Variants in TBC1D5 observed in about 807,000 individuals in gnomAD.
TBC1D5 encodes TBC1 domain family member 5.
A neutral mutation model predicts 100.3 loss-of-function variants in TBC1D5; 75 were observed. That is an observed-to-expected ratio of 0.75 (90% confidence interval 0.62 to 0.91). The LOEUF (loss-of-function observed/expected upper bound fraction) is 0.91. Ranked by LOEUF, TBC1D5 falls within the 40% of genes least tolerant of loss-of-function variation. The probability of loss-of-function intolerance (pLI) is 0.00; values close to 1 mark genes in which losing one functional copy is unlikely to be tolerated. For missense variants in TBC1D5, 910 were observed against 942.4 expected, an observed-to-expected ratio of 0.97 and a Z score of 0.45; for synonymous variants, 323 against 325.6, an observed-to-expected ratio of 0.99 and a Z score of 0.09.
intron 1 of TBC1D5, among the ~76,000 whole-genome samples, chr3:17,668,492 A>T (rs1048118345): frequency 1.4e-4 from 21 of 152,106 alleles, no homozygotes; most frequent in Non-Finnish European, 2.9e-4. Context: ...AAAGTAATAA[A>T]CAATTATGTT....
chr3:17,477,943 T>C (rs2095457628), intron 3 of TBC1D5, among the ~76,000 whole-genome samples: 1 of 152,142 alleles, frequency 6.6e-6, no homozygotes. Context: ...ATTGTCTTTT[T>C]AACCAGTTCA....
At chr3:17,595,626 A>T (rs907776216) in intron 2 of TBC1D5, among the ~76,000 whole-genome samples, 7 of 152,338 alleles carry the variant, frequency 4.6e-5, no homozygotes, top group African/African-American at 1.7e-4. Context: ...CTTAAAATGT[A>T]AGAATTATCA....
intron 3 of TBC1D5, among the ~76,000 whole-genome samples, chr3:17,439,025 T>C (rs952921520): frequency 7.2e-5 from 11 of 152,118 alleles, no homozygotes; most frequent in African/African-American, 2.2e-4. Context: ...ATAATACCTA[T>C]AGAATATTTA....
intron 3 of TBC1D5, among the ~76,000 whole-genome samples, chr3:17,441,072 T>C (rs1446303): frequency 0.51 from 77,151 of 152,052 alleles, 21,522 homozygotes; most frequent in African/African-American, 0.72. Flanking sequence ...CAAAAATAAA[T>C]GATAGAATAG....
At chr3:17,716,363 T>C (rs572541864) in intron 1 of TBC1D5, among the ~76,000 whole-genome samples, 1 of 152,124 alleles carries the variant, frequency 6.6e-6, no homozygotes, top group Non-Finnish European at 1.5e-5. Flanking sequence ...CTGTCATTTT[T>C]TTTTTGAAAT....
At chr3:17,251,216 A>C (rs1056488081) in intron 16 of TBC1D5, among the ~76,000 whole-genome samples, 1 of 152,160 alleles carries the variant, frequency 6.6e-6, no homozygotes, top group Non-Finnish European at 1.5e-5. Flanking sequence ...GGTAAAAAAA[A>C]AACCACTGTA....
rs1178917300 is a variant in TBC1D5, at chr3:17,411,949, AATAAT to A, written c.168-5428_168-5424del. Among the ~76,000 whole-genome samples the A allele has an allele frequency of 2.0e-5, 3 of 152,204 alleles. No individual in the cohort carries two copies. In the East Asian group the frequency reaches 5.8e-4, roughly 29 times the overall value. On this transcript the variant is annotated intron_variant, in intron 4 of 21. Coordinates refer to ENST00000253692, the Ensembl canonical transcript of TBC1D5. ...CAACAGAGGAGCATAAAGGCCACAT[AATAAT>A]ATATTAATTGTCTTTCATTTCTATT...
chr3:17,219,494 T>A (rs540237525), intron 17 of TBC1D5, among the ~76,000 whole-genome samples: 5 of 151,318 alleles, frequency 3.3e-5, no homozygotes, highest in African/African-American at 1.2e-4. Flanking sequence ...TTTTTTTTCC[T>A]CATACCTTAT....
At chr3:17,664,928 C>T (rs1399341433) in intron 1 of TBC1D5, 2 of 150,334 alleles carry the variant, frequency 1.3e-5, no homozygotes, top group African/African-American at 4.9e-5. Context: ...GCCTCCACAG[C>T]CTTGAATGAA....
At chr3:17,483,424 T>A (rs573725615) in intron 3 of TBC1D5, among the ~76,000 whole-genome samples, 1 of 152,242 alleles carries the variant, frequency 6.6e-6, no homozygotes, top group South Asian at 2.1e-4. Flanking sequence ...CAATAGCAAA[T>A]GGCTCAAATC....
At chr3:17,714,276 G>A (rs2075033121) in intron 1 of TBC1D5, among the ~76,000 whole-genome samples, 3 of 152,198 alleles carry the variant, frequency 2.0e-5, no homozygotes, top group Non-Finnish European at 2.9e-5. Flanking sequence ...ATAGATGCCT[G>A]AGACAAAAGA....
intron 5 of TBC1D5, among the ~76,000 whole-genome samples, chr3:17,406,102 T>C (rs1321886823): frequency 1.3e-5 from 2 of 152,050 alleles, no homozygotes; most frequent in Non-Finnish European, 2.9e-5. Context: ...ACCACTGCCT[T>C]TTCTTGCAAA....
chr3:17,559,556 G>A (rs2096544044), intron 2 of TBC1D5, among the ~76,000 whole-genome samples: 2 of 151,908 alleles, frequency 1.3e-5, no homozygotes, highest in African/African-American at 4.8e-5. Flanking sequence ...TTGTGAGAAT[G>A]TGGAATTCAC....
chr3:17,252,774 C>T (rs914810928), intron 16 of TBC1D5, among the ~76,000 whole-genome samples: 1 of 152,198 alleles, frequency 6.6e-6, no homozygotes, highest in African/African-American at 2.4e-5. Flanking sequence ...TGACTATAAT[C>T]TTATACTAGA....
At chr3:17,160,353 T>C (rs1375085689) in exon 22 of TBC1D5, 1 of 152,436 alleles carries the variant, frequency 6.6e-6, no homozygotes, top group Non-Finnish European at 1.5e-5. Context: ...CTTATAACTT[T>C]GAGAGGTCAG....
chr3:17,353,923 T>A (rs2090921584), intron 13 of TBC1D5, among the ~76,000 whole-genome samples: 2 of 152,114 alleles, frequency 1.3e-5, no homozygotes, highest in Non-Finnish European at 1.5e-5. Context: ...TGCCTATGCT[T>A]GTTTCCCTCA....
chr3:17,268,046 G>C lies in TBC1D5; in HGVS notation c.1246-9455C>G, dbSNP rs142362761. ...ACCTAGATTTGAGTTGTATTTTCCT[G>C]AGTGAGCCTGTTATCTATATAGGGG... On this transcript the variant is annotated intron_variant, in intron 15 of 21. Transcript: ENST00000253692. 2.2e-4 allele frequency among the ~76,000 whole-genome samples: 33 copies of C among 152,112 alleles called. No individual in the cohort carries two copies. The East Asian group carries it at 6.2e-3, about 28-fold the overall frequency.
chr3:17,531,926 C>G, intron 2 of TBC1D5, among the ~76,000 whole-genome samples: 1 of 152,032 alleles, frequency 6.6e-6, no homozygotes, highest in Admixed American at 6.5e-5. Context: ...TAGGCATGGG[C>G]AAGGACTTCA....
At chr3:17,715,064 T>C (rs765690448) in intron 1 of TBC1D5, among the ~76,000 whole-genome samples, 3 of 152,250 alleles carry the variant, frequency 2.0e-5, no homozygotes, top group Non-Finnish European at 2.9e-5. Flanking sequence ...TCACAGAATA[T>C]ACATTAAAAT....
Sources: gnomAD v4.1 joint callset for allele counts (sites outside exome capture counted in the v4.1 genomes callset) on GRCh38, gnomAD v4.1.1 for gene constraint, MANE v1.5 for transcripts, NCBI Gene and HGNC (gene_info 2026-07-23, HGNC 2026-07-21) for gene names.